Variants in LYZL4 observed in about 807,000 individuals in gnomAD.
The protein encoded by LYZL4 is lysozyme-like protein 4.
A neutral mutation model predicts 17.6 loss-of-function variants in LYZL4; 13 were observed. The observed-to-expected ratio is 0.74, with a 90% CI of 0.48 to 1.18. The LOEUF is 1.18. Ranked by LOEUF, LYZL4 falls within the 50% of genes most tolerant of loss-of-function variation. The pLI, the probability that LYZL4 is intolerant of heterozygous loss-of-function variation, is 0.00. For synonymous variants in LYZL4, 64 were observed against 67.7 expected (o/e 0.95, Z 0.27); for missense variants, 174 against 188.2 (o/e 0.92, Z 0.44).
chr3:42,406,993 A>G lies in LYZL4; in HGVS notation c.145T>C (p.Cys49Arg). ...AACTTGCTCTCGAAGTAGGCCAGGC[A>G]CACCCCTAAGATGGAACAGAAGGTG... ...FEGYSLENWV[C>R]LAYFESKFNP... The change falls in exon 3 of 5, where the codon TGC becomes CGC. Residue 49 changes from cysteine to arginine, a missense_variant. By Grantham distance (180) the Cys-to-Arg change is radical. Coordinates refer to ENST00000287748, the MANE Select transcript of LYZL4 (RefSeq NM_144634.4). 2 of 1,614,178 alleles carry G rather than the reference A, an allele frequency of 1.2e-6. No homozygotes were observed. Among genetic ancestry groups the G allele is most frequent in the Admixed American group, 1.7e-5 (1 of 60,016 alleles).
At chr3:42,389,434 G>A in the LYZL4 span, among the ~76,000 whole-genome samples, 5 of 152,152 alleles carry the variant, frequency 3.3e-5, no homozygotes, top group Admixed American at 6.5e-5. Context: ...CACCACAGGC[G>A]CAATGGTAAA....
At chr3:42,403,028 T>A (rs1276004745) in intron 4 of LYZL4, among the ~76,000 whole-genome samples, 1 of 152,182 alleles carries the variant, frequency 6.6e-6, no homozygotes, top group Non-Finnish European at 1.5e-5. Flanking sequence ...TAAGCAAATA[T>A]CTGGCTAAAG....
chr3:42,371,450 C>T, the LYZL4 span, among the ~76,000 whole-genome samples: 803 of 152,262 alleles, frequency 5.3e-3, 4 homozygotes, highest in African/African-American at 0.019. Flanking sequence ...TGAACAAATG[C>T]CCATCTTTTC....
At chr3:42,364,615 G>A in the LYZL4 span, among the ~76,000 whole-genome samples, 7 of 152,044 alleles carry the variant, frequency 4.6e-5, no homozygotes, top group Admixed American at 1.3e-4. Flanking sequence ...AAAGTGCTGG[G>A]ATTACAGGCA....
the LYZL4 span, among the ~76,000 whole-genome samples, chr3:42,373,450 T>A: frequency 1.3e-5 from 2 of 152,156 alleles, no homozygotes; most frequent in Non-Finnish European, 2.9e-5. Context: ...AATTTCTTAC[T>A]CTTTCCAAAA....
At chr3:42,404,183 A>T (rs373275814) in intron 3 of LYZL4, 59 bp from the exon 4 acceptor site, 236 of 1,129,918 alleles carry the variant, frequency 2.1e-4, no homozygotes, top group Non-Finnish European at 2.9e-4. Context: ...AGTTAGAGTG[A>T]TGTCAGGGAA....
the LYZL4 span, among the ~76,000 whole-genome samples, chr3:42,361,084 A>G: frequency 6.6e-6 from 1 of 152,114 alleles, no homozygotes; most frequent in Non-Finnish European, 1.5e-5. Flanking sequence ...TCCACCTCCC[A>G]TGAGCAACAA....
intron 1 of LYZL4, among the ~76,000 whole-genome samples, chr3:42,408,189 C>T (rs1329257870): frequency 6.6e-6 from 1 of 152,170 alleles, no homozygotes; most frequent in Non-Finnish European, 1.5e-5. Context: ...AAAGCAGGTA[C>T]AAAATATCAC....
At chr3:42,391,882 C>T in the LYZL4 span, among the ~76,000 whole-genome samples, 90,486 of 148,222 alleles carry the variant, frequency 0.61, 29,016 homozygotes, top group African/African-American at 0.82. Context: ...CTCTCTTTTT[C>T]TTTTTTTTCT....
At chr3:42,374,811 A>G in the LYZL4 span, among the ~76,000 whole-genome samples, 5 of 151,988 alleles carry the variant, frequency 3.3e-5, no homozygotes, top group African/African-American at 9.7e-5. Flanking sequence ...TCTGGCATTC[A>G]TAGTATTTGA....
At chr3:42,362,949 T>G in the LYZL4 span, among the ~76,000 whole-genome samples, 14 of 152,124 alleles carry the variant, frequency 9.2e-5, no homozygotes, top group Non-Finnish European at 1.2e-4. Flanking sequence ...AGATGCAACA[T>G]GAAGGAAACA....
At chr3:42,403,511 G>A (rs902102329) in intron 4 of LYZL4, among the ~76,000 whole-genome samples, 1 of 152,062 alleles carries the variant, frequency 6.6e-6, no homozygotes, top group African/African-American at 2.4e-5. Flanking sequence ...CCTGACCTCA[G>A]GTGATCCAAC....
chr3:42,404,145 A>G (rs1698707714), intron 3 of LYZL4, 21 bp from the exon 4 acceptor site: 1 of 1,518,882 alleles, frequency 6.6e-7, no homozygotes, highest in South Asian at 1.1e-5. Flanking sequence ...AAGAAAATGG[A>G]AGATACCATG....
At chr3:42,391,088 T>TG in the LYZL4 span, among the ~76,000 whole-genome samples, 9 of 152,172 alleles carry the variant, frequency 5.9e-5, no homozygotes, top group Non-Finnish European at 4.4e-5. Context: ...ACATGTCCAG[T>TG]GTGACCCAGC....
chr3:42,391,094 C>T, the LYZL4 span, among the ~76,000 whole-genome samples: 1 of 152,032 alleles, frequency 6.6e-6, no homozygotes, highest in East Asian at 1.9e-4. Flanking sequence ...CCAGTGTGAC[C>T]CAGCATTGTG....
At chr3:42,367,233 C>T in the LYZL4 span, among the ~76,000 whole-genome samples, 24 of 152,328 alleles carry the variant, frequency 1.6e-4, no homozygotes, top group South Asian at 5.0e-3. Flanking sequence ...GGATCCCTAC[C>T]CTTCTGACAA....
chr3:42,376,309 T>C, the LYZL4 span, among the ~76,000 whole-genome samples: 1 of 152,180 alleles, frequency 6.6e-6, no homozygotes, highest in Non-Finnish European at 1.5e-5. Context: ...CTGAACATTG[T>C]TGGTGCCCCC....
chr3:42,405,024 T>C (rs1698724110), intron 3 of LYZL4, among the ~76,000 whole-genome samples: 1 of 152,152 alleles, frequency 6.6e-6, no homozygotes, highest in African/African-American at 2.4e-5. Flanking sequence ...TTGGAGGACC[T>C]CTAGAAGTGA....
At chr3:42,363,709 C>T in the LYZL4 span, among the ~76,000 whole-genome samples, 2 of 152,100 alleles carry the variant, frequency 1.3e-5, no homozygotes, top group East Asian at 3.9e-4. Context: ...ATTGAGGTAA[C>T]AGATGTAGAA....
Sources: allele counts gnomAD v4.1 joint callset (sites outside exome capture counted in the v4.1 genomes callset), GRCh38; gene constraint gnomAD v4.1.1; transcripts MANE v1.5; gene names NCBI Gene and HGNC (gene_info 2026-07-23, HGNC 2026-07-21).